CAPN14: variants seen among roughly 807,000 people sequenced by gnomAD.
CAPN14 encodes the protein calpain-14.
A neutral mutation model predicts 101.3 loss-of-function variants in CAPN14; 94 were observed. The ratio of observed to expected loss-of-function variants is 0.93; its 90% confidence interval spans 0.79 to 1.10. CAPN14 has a LOEUF of 1.10. CAPN14 is among the 50% of genes least tolerant of loss of function. CAPN14 has a pLI of 0.00. For synonymous variants in CAPN14, 338 were observed against 317.9 expected (o/e 1.06, Z -0.67); for missense variants, 837 against 828.4 (o/e 1.01, Z -0.13).
chr2:31,176,767 C>G, intron 20 of CAPN14, 125 bp from the exon 21 acceptor site: 1 of 891,102 alleles, frequency 1.1e-6, no homozygotes, highest in South Asian at 1.5e-5. Flanking sequence ...CCAGTGTCAG[C>G]CTACATGTGA....
At chr2:31,187,680 A>C (rs1387872385) in intron 15 of CAPN14, 78 bp downstream of exon 15, 2 of 1,305,320 alleles carry the variant, frequency 1.5e-6, no homozygotes, top group Admixed American at 4.1e-5. Flanking sequence ...AGCAGGTGCA[A>C]ACCTATACTT....
intron 2 of CAPN14, among the ~76,000 whole-genome samples, chr2:31,223,808 A>G (rs1247043762): frequency 6.6e-6 from 1 of 152,122 alleles, no homozygotes; most frequent in African/African-American, 2.4e-5. Flanking sequence ...GATTACAGGC[A>G]TGAGCCACCA....
chr2:31,199,760 G>A (rs767284427), intron 6 of CAPN14, among the ~76,000 whole-genome samples: 1 of 152,122 alleles, frequency 6.6e-6, no homozygotes, highest in Non-Finnish European at 1.5e-5. Flanking sequence ...CAATTTTACA[G>A]AGGACAAACT....
At chr2:31,181,203 G>T (rs1005053917) in intron 16 of CAPN14, among the ~76,000 whole-genome samples, 1 of 152,120 alleles carries the variant, frequency 6.6e-6, no homozygotes, top group African/African-American at 2.4e-5. Context: ...ATGCTATAGG[G>T]GATGCCTGGT....
At position 31,178,590 on chromosome 2, in the gene CAPN14, G is replaced by A. The variant is rs960771027; in HGVS notation, c.1711-11C>T. ...ACCTGATGCATTAAGCTGATTAATA[G>A]GTTAAGGTAAAAGCTTCCAGGGAGA... On this transcript the variant is annotated splice_polypyrimidine_tract_variant and intron_variant, in intron 17 of 21. Coordinates refer to ENST00000403897, the MANE Select transcript of CAPN14 (RefSeq NM_001145122.2). The A allele has an allele frequency of 6.6e-7, 1 of 1,512,908 alleles. No homozygotes were observed. The highest frequency in any genetic ancestry group is 1.4e-5 in the African/African-American group (1 of 70,964). The allele number at this position is 1,512,908 out of a possible 1,614,324, so 93.7% of individuals were successfully genotyped here.
At chr2:31,198,828 T>A (rs997647704) in intron 7 of CAPN14, among the ~76,000 whole-genome samples, 4 of 152,144 alleles carry the variant, frequency 2.6e-5, no homozygotes, top group African/African-American at 9.7e-5. Context: ...TCTCGCCCCG[T>A]GCAAATCTAT....
chr2:31,226,903 A>G (rs1266310941), intron 1 of CAPN14, among the ~76,000 whole-genome samples: 3 of 152,120 alleles, frequency 2.0e-5, no homozygotes, highest in African/African-American at 7.2e-5. Context: ...CTGAGGGGAA[A>G]GTGAGTAGGA....
chr2:31,200,144 C>A (rs979247998), intron 6 of CAPN14, among the ~76,000 whole-genome samples: 1 of 152,260 alleles, frequency 6.6e-6, no homozygotes, highest in Admixed American at 6.5e-5. Context: ...GCTGGGATTA[C>A]AGGTGACCAT....
In CAPN14 at chr2:31,200,634, G is replaced by A; in HGVS notation, c.552-9C>T. ...CATAGGAACCAGAGAGCCTGGCCAG[G>A]GAAGAAATAAACATGAGAGGAAAAA... On this transcript the variant is annotated splice_polypyrimidine_tract_variant and intron_variant, in intron 5 of 21. Transcript: ENST00000403897. 6.5e-7 allele frequency: 1 copy of A among 1,534,498 alleles called. No individual in the cohort carries two copies. The highest frequency in any genetic ancestry group is 8.8e-7 in the Non-Finnish European group (1 of 1,140,990).
rs538603251 is a variant in CAPN14 at position 31,223,421 on chromosome 2, T to A, written c.-53+3107A>T. ...TTCCCTCACTGTTAAATATGTCCCA[T>A]CAGACCCCATCTGGAGCACATCAGT... On this transcript the variant is annotated intron_variant and NMD_transcript_variant, in intron 2 of 21. Transcript: ENST00000398824. Among the ~76,000 whole-genome samples, 6 of 152,270 alleles carry A rather than the reference T, an allele frequency of 3.9e-5. No individual in the cohort carries two copies. In the East Asian group the frequency reaches 1.2e-3, roughly 29 times the overall value.
At chr2:31,200,391 T>C in intron 6 of CAPN14, 60 bp downstream of exon 6, 1 of 1,439,894 alleles carries the variant, frequency 6.9e-7, no homozygotes, top group Non-Finnish European at 9.4e-7. Context: ...GTAGTGGTGG[T>C]GGATGGAGGG....
At chr2:31,227,073 C>T (rs758760765) in intron 1 of CAPN14, among the ~76,000 whole-genome samples, 56 of 152,186 alleles carry the variant, frequency 3.7e-4, no homozygotes, top group Non-Finnish European at 7.1e-4. Flanking sequence ...CAGACACTGA[C>T]CATAATTAGG....
At chr2:31,233,669 T>C (rs1005358952) in intron 1 of CAPN14, 2 of 152,190 alleles carry the variant, frequency 1.3e-5, no homozygotes, top group Non-Finnish European at 2.9e-5. Context: ...GGGAACGATT[T>C]TGACTTCACC....
At position 31,194,944 on chromosome 2, in the gene CAPN14, C is replaced by T. The variant is rs543141079; in HGVS notation, c.876-461G>A. On this transcript the variant is annotated intron_variant, in intron 8 of 21. Transcript: ENST00000403897. Reference sequence around the variant, plus strand: ...GAAACTGTTTTCAGATATTGGACAGCAGGCAACAGGGGTCTGTGATCCCAG... The same window carrying T: ...GAAACTGTTTTCAGATATTGGACAGTAGGCAACAGGGGTCTGTGATCCCAG... 1.2e-4 allele frequency among the ~76,000 whole-genome samples: 19 copies of T among 152,290 alleles called. No individual in the cohort carries two copies. The South Asian group carries it at 3.7e-3, about 30-fold the overall frequency.
At chr2:31,192,817 C>T (rs1681259934) in intron 10 of CAPN14, among the ~76,000 whole-genome samples, 1 of 152,154 alleles carries the variant, frequency 6.6e-6, no homozygotes, top group Non-Finnish European at 1.5e-5. Flanking sequence ...AAAGATTCTC[C>T]CTTGCCCCTG....
chr2:31,200,911 G>A (rs1427942070), intron 5 of CAPN14, among the ~76,000 whole-genome samples: 7 of 152,096 alleles, frequency 4.6e-5, no homozygotes, highest in Non-Finnish European at 1.0e-4. Context: ...AGAACTTAGT[G>A]ACTGCCTGTC....
In CAPN14 at chr2:31,202,131, C is replaced by T. The variant is rs1260616424; in HGVS notation, c.414+3G>A. The T allele has an allele frequency of 1.3e-6, 2 of 1,551,462 alleles. No individual in the cohort carries two copies. The highest frequency in any genetic ancestry group is 2.7e-5 in the African/African-American group (2 of 73,052). ...TGGGCTGAGGACCCGGGAAGACACTCACCCAGAACCGGAAGATGCCAGCAT... is the reference window on the plus strand; with the variant it reads ...TGGGCTGAGGACCCGGGAAGACACTTACCCAGAACCGGAAGATGCCAGCAT... On this transcript the variant is annotated splice_donor_region_variant and intron_variant, in intron 4 of 21. Transcript: ENST00000403897.
intron 12 of CAPN14, among the ~76,000 whole-genome samples, chr2:31,190,137 TTCTC>T (rs3031867): frequency 0.044 from 6,326 of 142,590 alleles, 154 homozygotes; most frequent in African/African-American, 0.066. Flanking sequence ...CTGATTCATA[TTCTC>T]TCTCTCTCTC....
At chr2:31,225,031 G>A (rs1227221000) in intron 2 of CAPN14, among the ~76,000 whole-genome samples, 1 of 151,902 alleles carries the variant, frequency 6.6e-6, no homozygotes, top group Non-Finnish European at 1.5e-5. Flanking sequence ...AAGGTAATTG[G>A]CGAAACATTA....
Sources: allele counts gnomAD v4.1 joint callset (sites outside exome capture counted in the v4.1 genomes callset), GRCh38; gene constraint gnomAD v4.1.1; transcripts MANE v1.5; gene names NCBI Gene and HGNC (gene_info 2026-07-23, HGNC 2026-07-21).